The following MANEA variants were observed in gnomAD, a reference collection of about 807,000 sequenced individuals.
The protein encoded by MANEA is mannosidase endo-alpha, also known as glycoprotein endo-alpha-1,2-mannosidase.
Under a neutral mutation model 36.8 loss-of-function variants are expected in MANEA, and 25 were observed. That is an observed-to-expected ratio of 0.68 (90% CI 0.50 to 0.95). The LOEUF (loss-of-function observed/expected upper bound fraction) is 0.95, where lower values mean the gene tolerates loss of function less well. MANEA is among the 40% of genes least tolerant of loss of function. The pLI, the probability that MANEA is intolerant of heterozygous loss-of-function variation, is 0.00. For synonymous variants in MANEA, 198 were observed against 188.5 expected, an observed-to-expected ratio of 1.05 and a Z score of -0.41; for missense variants, 565 against 558.8, an observed-to-expected ratio of 1.01 and a Z score of -0.11.
intron 1 of MANEA, among the ~76,000 whole-genome samples, chr6:95,578,325 G>GT: frequency 6.6e-6 from 1 of 152,230 alleles, no homozygotes; most frequent in Admixed American, 6.5e-5. Flanking sequence ...TAACTGTTTG[G>GT]TTTTGTTGTT....
Position 95,607,589 on chromosome 6 carries a change from T to G in MANEA, c.*1184T>G. 1.3e-5 allele frequency: 2 copies of G among 151,926 alleles called. No homozygotes were observed. The highest frequency in any genetic ancestry group is 1.3e-4 in the Admixed American group (2 of 15,246). 9.4% of individuals were successfully genotyped at this position (151,926 alleles called of 1,614,324 possible). On this transcript the variant is annotated 3_prime_UTR_variant, in exon 5 of 5. Transcript: ENST00000358812. ...AAACTAATACTTTCAATTTTTTATA[T>G]AGTAATATCCCCATTTTGTAAATGT...
intron 3 of MANEA, among the ~76,000 whole-genome samples, chr6:95,602,123 G>T (rs1769605515): frequency 6.6e-6 from 1 of 152,166 alleles, no homozygotes; most frequent in African/African-American, 2.4e-5. Context: ...TCCAGTATAA[G>T]TGACAGACTT....
intron 1 of MANEA, among the ~76,000 whole-genome samples, chr6:95,584,888 T>C (rs982387650): frequency 3.3e-5 from 5 of 152,226 alleles, no homozygotes; most frequent in African/African-American, 1.2e-4. Context: ...GTTGAAATAT[T>C]GGGGATGGGT....
chr6:95,608,413 T>C lies in MANEA; in HGVS notation c.*2008T>C, dbSNP rs186867774. The C allele has an allele frequency of 2.0e-5, 3 of 151,956 alleles. No individual in the cohort carries two copies. Among genetic ancestry groups the C allele is most frequent in the Admixed American group, 2.0e-4 (3 of 15,268 alleles). The allele number at this position is 151,956 out of a possible 1,614,324, so 9.4% of individuals were successfully genotyped here. A position where few individuals can be genotyped will look rare whatever the true frequency, so the allele number is the denominator to read the frequency against. On this transcript the variant is annotated 3_prime_UTR_variant, in exon 5 of 5. Transcript: ENST00000358812. ...AAAATCTATAAAAACAAGGTTAGCA[T>C]ATTCTCAACACAGATACCACCACTT...
In MANEA at chr6:95,608,709, G is replaced by C. The variant is rs557014294; in HGVS notation, c.*2304G>C. ...CAGTGTCTGTGGGGGATTGGTTCCA[G>C]TTACCCCTATAGATACCAAAATCTG... is the stretch of plus-strand genomic sequence containing the variant. On this transcript the variant is annotated 3_prime_UTR_variant, in exon 5 of 5. Coordinates refer to ENST00000358812, the MANE Select transcript of MANEA (RefSeq NM_024641.4). 9.9e-5 allele frequency: 15 copies of C among 151,684 alleles called. No homozygotes were observed. The highest frequency in any genetic ancestry group is 1.6e-4 in the Non-Finnish European group (11 of 67,744). 9.4% of individuals were successfully genotyped at this position (151,684 alleles called of 1,614,324 possible).
rs1769742060 is a variant in MANEA at position 95,607,671 on chromosome 6, G to A, written c.*1266G>A. Reference sequence around the variant, plus strand: ...CTTGTTATCAATAACTTGTCATGTTGTGACAAATTGATCACTTGTGTACGA... The same window carrying A: ...CTTGTTATCAATAACTTGTCATGTTATGACAAATTGATCACTTGTGTACGA... On this transcript the variant is annotated 3_prime_UTR_variant, in exon 5 of 5. Coordinates refer to ENST00000358812, the MANE Select transcript of MANEA (RefSeq NM_024641.4). 1 of 151,592 alleles carries A rather than the reference G, an allele frequency of 6.6e-6. No individual in the cohort carries two copies. Among genetic ancestry groups the A allele is most frequent in the Non-Finnish European group, 1.5e-5 (1 of 67,742 alleles). The allele number at this position is 151,592 out of a possible 1,614,324, so 9.4% of individuals were successfully genotyped here. A position where few individuals can be genotyped will look rare whatever the true frequency, so the allele number is the denominator to read the frequency against.
rs1260050783 is a variant in MANEA at position 95,607,084 on chromosome 6, G to C, written c.*679G>C. 1.3e-5 allele frequency: 2 copies of C among 152,088 alleles called. No individual in the cohort carries two copies. The highest frequency in any genetic ancestry group is 2.9e-5 in the Non-Finnish European group (2 of 67,996). The allele number at this position is 152,088 out of a possible 1,614,324, so 9.4% of individuals were successfully genotyped here. The stretch of plus-strand genomic sequence containing the variant: ...CGGCCTGCTATCTACAGCACAGTGT[G>C]TCATTTGCAGATTTGTGGTTACCTA... On this transcript the variant is annotated 3_prime_UTR_variant, in exon 5 of 5. Coordinates refer to ENST00000358812, the MANE Select transcript of MANEA (RefSeq NM_024641.4).
chr6:95,578,048 C>T (rs1358720847), intron 1 of MANEA, among the ~76,000 whole-genome samples: 2 of 152,176 alleles, frequency 1.3e-5, no homozygotes, highest in African/African-American at 4.8e-5. Context: ...CCCAGACTGC[C>T]TCTGGGCCTT....
chr6:95,578,298 T>TG (rs1180791858), intron 1 of MANEA, among the ~76,000 whole-genome samples: 4 of 152,200 alleles, frequency 2.6e-5, no homozygotes, highest in Non-Finnish European at 4.4e-5. Flanking sequence ...AGAAGCAACT[T>TG]GAAGTACAGG....
At chr6:95,599,026 C>A (rs1200971919) in intron 3 of MANEA, among the ~76,000 whole-genome samples, 1 of 152,082 alleles carries the variant, frequency 6.6e-6, no homozygotes, top group Non-Finnish European at 1.5e-5. Context: ...ACCTTCCTTA[C>A]ACACAGAATG....
intron 3 of MANEA, among the ~76,000 whole-genome samples, chr6:95,598,861 G>T (rs531728584): frequency 1.3e-5 from 2 of 152,228 alleles, no homozygotes; most frequent in South Asian, 4.1e-4. Context: ...ATTTTGAGAA[G>T]AAGTGTTTAT....
At chr6:95,605,142 CTATT>C (rs1769674374) in intron 4 of MANEA, among the ~76,000 whole-genome samples, 1 of 151,880 alleles carries the variant, frequency 6.6e-6, no homozygotes, top group South Asian at 2.1e-4. Flanking sequence ...GGTTTATAGG[CTATT>C]TATGATTTCT....
At chr6:95,579,987 T>G (rs917503057) in intron 1 of MANEA, among the ~76,000 whole-genome samples, 13 of 152,238 alleles carry the variant, frequency 8.5e-5, no homozygotes, top group African/African-American at 3.1e-4. Context: ...ATAATACTTT[T>G]CTTTTATTGA....
intron 1 of MANEA, 47 bp downstream of exon 1, chr6:95,577,685 A>C (rs1231754313): frequency 6.6e-6 from 1 of 152,350 alleles, no homozygotes; most frequent in South Asian, 2.1e-4. Flanking sequence ...CGGCGCCAGC[A>C]GCGGCGGCAG....
chr6:95,598,465 A>G (rs1279787146), intron 3 of MANEA, among the ~76,000 whole-genome samples: 1 of 152,132 alleles, frequency 6.6e-6, no homozygotes, highest in Admixed American at 6.5e-5. Context: ...CAGCAGGTGA[A>G]CTGGAGACTC....
chr6:95,601,716 ATTTTTTTTTTT>A (rs67335804), intron 3 of MANEA, among the ~76,000 whole-genome samples: 16 of 64,972 alleles, frequency 2.5e-4, no homozygotes, highest in Admixed American at 8.8e-4. Flanking sequence ...AGATTCAGTG[ATTTTTTTTTTT>A]TTTTTTTTTT....
rs781130189 is a variant in MANEA, at chr6:95,605,748, A to G, written c.732A>G (p.Lys244=). The G allele has an allele frequency of 5.0e-6, 8 of 1,600,448 alleles. No homozygotes were observed. The highest frequency in any genetic ancestry group is 6.8e-6 in the Non-Finnish European group (8 of 1,170,560). The change falls in exon 5 of 5, where the codon AAA becomes AAG. Residue 244 remains lysine (K), a splice_region_variant and synonymous_variant. Transcript: ENST00000358812. ...MYKNVKYIID[K]YGNHPAFYRY... is the part of the protein sequence containing the mutation. Reference sequence around the variant, plus strand: ...ACTTTTATATATGCTTATTTTCTAGATATGGAAATCATCCGGCCTTTTACA... The same window carrying G: ...ACTTTTATATATGCTTATTTTCTAGGTATGGAAATCATCCGGCCTTTTACA...
intron 1 of MANEA, among the ~76,000 whole-genome samples, chr6:95,584,985 C>T (rs776910798): frequency 6.6e-6 from 1 of 152,158 alleles, no homozygotes; most frequent in Non-Finnish European, 1.5e-5. Context: ...TAACTTAATT[C>T]TCTATAATAA....
chr6:95,580,469 TA>T (rs1414207873), intron 1 of MANEA, among the ~76,000 whole-genome samples: 1 of 152,140 alleles, frequency 6.6e-6, no homozygotes, highest in Admixed American at 6.5e-5. Flanking sequence ...CTCACACCTG[TA>T]ATCCCAGCAC....
Sources: gnomAD v4.1 joint callset for allele counts (sites outside exome capture counted in the v4.1 genomes callset) on GRCh38, gnomAD v4.1.1 for gene constraint, MANE v1.5 for transcripts, NCBI Gene and HGNC (gene_info 2026-07-23, HGNC 2026-07-21) for gene names.